Variants in ROCK2 observed in about 807,000 individuals in gnomAD.
ROCK2 encodes the protein Rho associated coiled-coil containing protein kinase 2.
A neutral mutation model predicts 195.1 loss-of-function variants in ROCK2; 61 were observed. The observed-to-expected ratio is 0.31, with a 90% confidence interval of 0.25 to 0.39. ROCK2 has a LOEUF of 0.39. ROCK2 is among the 10% of genes least tolerant of loss of function. The pLI is 1.00. For synonymous variants in ROCK2, 504 were observed against 545.5 expected (o/e 0.92, Z 1.06); for missense variants, 1,109 against 1,637.4 (o/e 0.68, Z 5.57).
chr2:11,341,142 T>G (rs1184564471), intron 1 of ROCK2, among the ~76,000 whole-genome samples: 1 of 151,834 alleles, frequency 6.6e-6, no homozygotes, highest in East Asian at 1.9e-4. Context: ...GCTCACAATC[T>G]GCAACCATAA....
chr2:11,307,231 T>C (rs1261688823), intron 1 of ROCK2, among the ~76,000 whole-genome samples: 1 of 152,248 alleles, frequency 6.6e-6, no homozygotes, highest in Admixed American at 6.5e-5. Context: ...ATTTTATAAA[T>C]ACTTTTTTCT....
chr2:11,207,779 G>A lies in ROCK2; in HGVS notation c.2496C>T (p.Asn832=). The A allele has an allele frequency of 6.2e-7, 1 of 1,608,222 alleles. No individual in the cohort carries two copies. The highest frequency in any genetic ancestry group is 8.5e-7 in the Non-Finnish European group (1 of 1,176,530). The change falls in exon 20 of 33, where the codon AAC becomes AAT. Residue 832 remains asparagine (N), a synonymous_variant. Coordinates refer to ENST00000315872, the MANE Select transcript of ROCK2 (RefSeq NM_004850.5). The part of the protein sequence containing the change: ...MSEKQLKQEN[N]HLMEMKMNLE... ...AGTTCATTTTCATTTCCATGAGATG[G>A]TTATTTTCTTGCTTTAACTGCTTTT...
chr2:11,227,522 T>C, intron 5 of ROCK2, 124 bp from the exon 6 acceptor site: 1 of 804,378 alleles, frequency 1.2e-6, no homozygotes, highest in Non-Finnish European at 1.9e-6. Context: ...AGAACTTCAC[T>C]GCTGACATGA....
chr2:11,232,652 C>T (rs1439588537), intron 5 of ROCK2, among the ~76,000 whole-genome samples: 1 of 152,076 alleles, frequency 6.6e-6, no homozygotes, highest in Non-Finnish European at 1.5e-5. Context: ...GGTAAAACAA[C>T]ATTTTAAAAG....
At chr2:11,313,791 C>A (rs1668111094) in intron 1 of ROCK2, among the ~76,000 whole-genome samples, 1 of 151,768 alleles carries the variant, frequency 6.6e-6, no homozygotes, top group Non-Finnish European at 1.5e-5. Context: ...CTTTGATTAT[C>A]TGGAGTTTAT....
At chr2:11,191,511 T>TA (rs1663423398) in intron 32 of ROCK2, among the ~76,000 whole-genome samples, 1 of 152,184 alleles carries the variant, frequency 6.6e-6, no homozygotes, top group African/African-American at 2.4e-5. Context: ...ATTTAAAACT[T>TA]AAGCTGATTT....
At chr2:11,270,908 G>A (rs775051681) in intron 3 of ROCK2, among the ~76,000 whole-genome samples, 1 of 152,038 alleles carries the variant, frequency 6.6e-6, no homozygotes, top group African/African-American at 2.4e-5. Context: ...CCTTGATAGC[G>A]GGACATGATG....
At chr2:11,271,597 T>C (rs1434785902) in intron 3 of ROCK2, among the ~76,000 whole-genome samples, 2 of 152,240 alleles carry the variant, frequency 1.3e-5, no homozygotes, top group Non-Finnish European at 2.9e-5. Context: ...GTTGTTAGGA[T>C]GGATGGTGAT....
At chr2:11,231,136 CA>C (rs1664993075) in intron 5 of ROCK2, among the ~76,000 whole-genome samples, 1 of 151,168 alleles carries the variant, frequency 6.6e-6, no homozygotes, top group South Asian at 2.1e-4. Context: ...TCTATTTAGT[CA>C]AATGGTATAT....
intron 1 of ROCK2, among the ~76,000 whole-genome samples, chr2:11,333,069 T>C (rs1240314741): frequency 6.6e-6 from 1 of 152,170 alleles, no homozygotes. Context: ...TGAAAATGAA[T>C]TGTGATGATG....
intron 1 of ROCK2, among the ~76,000 whole-genome samples, chr2:11,329,355 T>TGA (rs1344854552): frequency 6.6e-6 from 1 of 151,952 alleles, no homozygotes; most frequent in African/African-American, 2.4e-5. Flanking sequence ...ACTGAGTAGT[T>TGA]CTGTTTAAAA....
rs532976220 is a variant in ROCK2, at chr2:11,274,282, CACAACA to C, written c.324+12251_324+12256del. Among the ~76,000 whole-genome samples the C allele has an allele frequency of 3.3e-5, 5 of 151,190 alleles. No individual in the cohort carries two copies. In the East Asian group the frequency reaches 7.7e-4, roughly 23 times the overall value. On this transcript the variant is annotated intron_variant, in intron 3 of 32. Transcript: ENST00000315872. Reference sequence around the variant, plus strand: ...ATTAGAGCAAAGATAAAACAGAGAACACAACAACAACAACAACAACAACAAAATCAA... The same window carrying C: ...ATTAGAGCAAAGATAAAACAGAGAACACAACAACAACAACAACAAAATCAA...
intron 20 of ROCK2, among the ~76,000 whole-genome samples, chr2:11,202,345 T>C (rs546564637): frequency 6.6e-6 from 1 of 152,132 alleles, no homozygotes; most frequent in Admixed American, 6.5e-5. Flanking sequence ...GACTTGTAAT[T>C]ACATCATTCT....
chr2:11,284,961 C>G (rs543766360), intron 3 of ROCK2, among the ~76,000 whole-genome samples: 1 of 152,252 alleles, frequency 6.6e-6, no homozygotes, highest in African/African-American at 2.4e-5. Context: ...CCAAACAAGT[C>G]ATTAAAATGT....
chr2:11,340,142 G>A (rs1056461802), intron 1 of ROCK2, among the ~76,000 whole-genome samples: 7 of 152,064 alleles, frequency 4.6e-5, no homozygotes, highest in African/African-American at 1.4e-4. Flanking sequence ...AAATGTTTCC[G>A]AACTCAGAAT....
Position 11,268,522 on chromosome 2 carries a change from C to G in ROCK2, c.324+18017G>C, listed in dbSNP as rs576874728. Among the ~76,000 whole-genome samples the G allele has an allele frequency of 3.4e-3, 475 of 140,656 alleles. 3 individuals carry two copies. Among genetic ancestry groups the G allele is most frequent in the African/African-American group, 0.012 (459 of 38,572 alleles). The allele number at this position is 140,656 out of a possible 152,430, so 92.3% of individuals were successfully genotyped here. On this transcript the variant is annotated intron_variant, in intron 3 of 32. Coordinates refer to ENST00000315872, the MANE Select transcript of ROCK2 (RefSeq NM_004850.5). ...TGTGTGTGTATTTAACAGTTTTGCACTGTGTGTGTGTGTGTGTGTGTGTGT... is the reference window on the plus strand; with the variant it reads ...TGTGTGTGTATTTAACAGTTTTGCAGTGTGTGTGTGTGTGTGTGTGTGTGT...
chr2:11,299,849 G>A (rs1163475397), intron 1 of ROCK2, among the ~76,000 whole-genome samples: 1 of 152,168 alleles, frequency 6.6e-6, no homozygotes, highest in Non-Finnish European at 1.5e-5. Context: ...CCTTACCCAG[G>A]AGGCAACAGT....
intron 11 of ROCK2, chr2:11,217,647 G>T (rs1314314847): frequency 1.6e-5 from 3 of 187,482 alleles, no homozygotes; most frequent in Non-Finnish European, 3.3e-5. Context: ...TGTAGTGCTG[G>T]TCATATTACC....
At chr2:11,209,756 A>C (rs1444400480) in intron 18 of ROCK2, among the ~76,000 whole-genome samples, 1 of 152,226 alleles carries the variant, frequency 6.6e-6, no homozygotes, top group Non-Finnish European at 1.5e-5. Context: ...TCAACATCTA[A>C]TTATCATCTA....
Sources: gnomAD v4.1 joint callset for allele counts (sites outside exome capture counted in the v4.1 genomes callset) on GRCh38, gnomAD v4.1.1 for gene constraint, MANE v1.5 for transcripts, NCBI Gene and HGNC (gene_info 2026-07-23, HGNC 2026-07-21) for gene names.